The following ACOT12 variants were observed in gnomAD, a reference collection of about 807,000 sequenced individuals.
ACOT12 encodes acetyl-coenzyme A thioesterase.
ACOT12 carries 51 observed loss-of-function variants against 67.7 expected under a neutral mutation model. That is an observed-to-expected ratio of 0.75 (90% CI 0.60 to 0.95). ACOT12 has a LOEUF of 0.95. Ranked by LOEUF, ACOT12 falls within the 40% of genes least tolerant of loss-of-function variation. ACOT12 has a pLI of 0.00. For missense variants in ACOT12, 734 were observed against 708.1 expected, an observed-to-expected ratio of 1.04 and a Z score of -0.41; for synonymous variants, 251 against 244.6, an observed-to-expected ratio of 1.03 and a Z score of -0.24.
intron 2 of ACOT12, among the ~76,000 whole-genome samples, chr5:81,373,900 T>C (rs1250875629): frequency 6.6e-6 from 1 of 152,144 alleles, no homozygotes; most frequent in Non-Finnish European, 1.5e-5. Context: ...GGGGTGGCTA[T>C]GGGCGCAGCT....
chr5:81,331,140 G>C (rs746694710), intron 13 of ACOT12, among the ~76,000 whole-genome samples, 200 bp from the exon 14 acceptor site: 1 of 152,174 alleles, frequency 6.6e-6, no homozygotes, highest in Non-Finnish European at 1.5e-5. Context: ...CCTTAGAATT[G>C]CATATACAAT....
chr5:81,310,093 C>G, the ACOT12 span, among the ~76,000 whole-genome samples: 1 of 142,030 alleles, frequency 7.0e-6, no homozygotes, highest in Non-Finnish European at 1.5e-5. Context: ...GCTTATAAAA[C>G]TGGGTAGATA....
intron 5 of ACOT12, among the ~76,000 whole-genome samples, chr5:81,353,070 G>C (rs909857567): frequency 6.6e-6 from 1 of 152,152 alleles, no homozygotes; most frequent in Non-Finnish European, 1.5e-5. Flanking sequence ...ACATTGTAAA[G>C]ACTCAAATAT....
the ACOT12 span, among the ~76,000 whole-genome samples, chr5:81,318,949 C>T: frequency 6.6e-6 from 1 of 152,026 alleles, no homozygotes; most frequent in African/African-American, 2.4e-5. Flanking sequence ...CAATTCCCCA[C>T]CCCCACCTCC....
At chr5:81,314,133 C>T in the ACOT12 span, among the ~76,000 whole-genome samples, 5 of 151,878 alleles carry the variant, frequency 3.3e-5, no homozygotes, top group South Asian at 6.2e-4. Flanking sequence ...TTTTTGATAG[C>T]TCACTCTGTC....
rs1758829790 is a variant in ACOT12 at position 81,331,563 on chromosome 5, T to C, written c.1392-623A>G. On this transcript the variant is annotated intron_variant, in intron 13 of 14. Transcript: ENST00000307624. ...TAATAAAAACAATACCCATTGTTGT[T>C]AAAAGAAAAACTCTCAACAATAGAG... Among the ~76,000 whole-genome samples the C allele has an allele frequency of 2.6e-5, 4 of 152,130 alleles. No homozygotes were observed. The South Asian group carries it at 8.3e-4, about 32-fold the overall frequency.
intron 1 of ACOT12, 81 bp downstream of exon 1, chr5:81,393,907 T>G: frequency 2.4e-6 from 3 of 1,248,190 alleles, no homozygotes; most frequent in Non-Finnish European, 3.0e-6. Flanking sequence ...TTCCTCGCCT[T>G]CCTACCCCCC....
intron 11 of ACOT12, among the ~76,000 whole-genome samples, chr5:81,336,443 C>T (rs577567249): frequency 7.2e-5 from 11 of 152,246 alleles, no homozygotes; most frequent in Non-Finnish European, 1.5e-4. Context: ...TTCCTCAGCA[C>T]GAAGCACCCT....
At chr5:81,378,194 C>A (rs186129385) in intron 2 of ACOT12, among the ~76,000 whole-genome samples, 1 of 152,240 alleles carries the variant, frequency 6.6e-6, no homozygotes, top group Non-Finnish European at 1.5e-5. Flanking sequence ...CATCTACAAC[C>A]ATCTGACCTT....
intron 6 of ACOT12, among the ~76,000 whole-genome samples, chr5:81,346,225 T>C (rs1164405002): frequency 6.6e-6 from 1 of 152,210 alleles, no homozygotes; most frequent in Non-Finnish European, 1.5e-5. Flanking sequence ...ATGCTTCTAC[T>C]CCTTTGGTAA....
intron 3 of ACOT12, among the ~76,000 whole-genome samples, chr5:81,370,301 A>G (rs1760209791): frequency 6.6e-6 from 1 of 152,180 alleles, no homozygotes; most frequent in Admixed American, 6.5e-5. Flanking sequence ...AAAAAAAAAG[A>G]AAGTGACCAC....
Position 81,394,051 on chromosome 5 carries a change from C to G in ACOT12, c.64G>C (p.Ala22Pro), listed in dbSNP as rs2153861250. The change falls in exon 1 of 15, where the codon GCG (alanine) becomes CCG (proline). Residue 22 changes from alanine (A) to proline (P), a missense_variant. Ala to Pro is a conservative substitution (Grantham distance 27, BLOSUM62 -1). Transcript: ENST00000307624. ...TGCCCCGCGCTCAGCTCGCCGCGCG[C>G]AGTGGCGTGCGCCGGCTGGATGGCT... ...SQAIQPAHAT[A>P]RGELSAGQLL... 1.4e-6 allele frequency: 2 copies of G among 1,473,288 alleles called. No homozygotes were observed. Among genetic ancestry groups the G allele is most frequent in the Non-Finnish European group, 1.8e-6 (2 of 1,118,430 alleles). 91.3% of individuals were successfully genotyped at this position (1,473,288 alleles called of 1,614,324 possible). A position where few individuals can be genotyped will look rare whatever the true frequency, so the allele number is the denominator to read the frequency against.
chr5:81,324,555 A>C, the ACOT12 span, among the ~76,000 whole-genome samples: 1 of 152,236 alleles, frequency 6.6e-6, no homozygotes, highest in Admixed American at 6.5e-5. Flanking sequence ...ATGGCTTTTA[A>C]ACCCAGATAC....
chr5:81,348,687 C>T (rs1399455533), intron 5 of ACOT12, among the ~76,000 whole-genome samples: 1 of 152,188 alleles, frequency 6.6e-6, no homozygotes, highest in Non-Finnish European at 1.5e-5. Flanking sequence ...GCCTCGGCCT[C>T]CCGAGTAGCT....
chr5:81,354,233 A>T (rs551205674), intron 5 of ACOT12, among the ~76,000 whole-genome samples: 1 of 152,256 alleles, frequency 6.6e-6, no homozygotes, highest in Non-Finnish European at 1.5e-5. Context: ...TGAACTTTGA[A>T]CTAGACATGT....
intron 11 of ACOT12, among the ~76,000 whole-genome samples, chr5:81,336,323 T>G (rs993996317): frequency 6.6e-6 from 1 of 152,168 alleles, no homozygotes; most frequent in African/African-American, 2.4e-5. Context: ...CTTAGGACAC[T>G]TTCCCAGGAT....
At chr5:81,382,915 C>A (rs1426805572) in intron 2 of ACOT12, among the ~76,000 whole-genome samples, 2 of 151,946 alleles carry the variant, frequency 1.3e-5, no homozygotes, top group South Asian at 2.1e-4. Flanking sequence ...CCTGAACAAA[C>A]TTTTCCTCAG....
rs190392412 is a variant in ACOT12 at position 81,384,415 on chromosome 5, G to A, written c.197+1342C>T. On this transcript the variant is annotated intron_variant, in intron 2 of 14. Transcript: ENST00000307624. ...GGCCTCCCAAAGTGCTGGGATTACA[G>A]GTGTGAGCCACCACGCCTGGCCAGG... 2.0e-4 allele frequency among the ~76,000 whole-genome samples: 31 copies of A among 152,114 alleles called. No individual in the cohort carries two copies. In the East Asian group the frequency reaches 5.8e-3, roughly 28 times the overall value.
intron 5 of ACOT12, among the ~76,000 whole-genome samples, chr5:81,349,535 G>GC (rs1047970087): frequency 5.3e-5 from 8 of 151,932 alleles, no homozygotes; most frequent in South Asian, 2.1e-4. Context: ...ATACTCTGTG[G>GC]CCCCCCCTTG....
Sources: gnomAD v4.1 joint callset for allele counts (sites outside exome capture counted in the v4.1 genomes callset) on GRCh38, gnomAD v4.1.1 for gene constraint, MANE v1.5 for transcripts, NCBI Gene and HGNC (gene_info 2026-07-23, HGNC 2026-07-21) for gene names.